Variants in CHRNB3 observed in about 807,000 individuals in gnomAD.
CHRNB3 encodes cholinergic receptor nicotinic beta 3 subunit.
In CHRNB3, 37 loss-of-function variants were observed where a neutral mutation model predicts 40.6. That is an observed-to-expected ratio of 0.91 (90% CI 0.70 to 1.20). The LOEUF (loss-of-function observed/expected upper bound fraction) is 1.20. Among genes scored for constraint, CHRNB3 ranks in the 50% most tolerant of loss-of-function variants. The pLI, the probability that CHRNB3 is intolerant of heterozygous loss-of-function variation, is 0.00. For missense variants in CHRNB3, 505 were observed against 551.2 expected (o/e 0.92, Z 0.84); for synonymous variants, 207 against 207.1 (o/e 1.00, Z 0.00).
In CHRNB3 at chr8:42,730,685, ACATAGTT is replaced by A. The variant is rs779588048; in HGVS notation, c.343_349del (p.Ile115SerfsTer13). ...CCATCAGAATCTCTGTGGCTTCCTG[ACATAGTT>A]CTCTTTGAAAAGTAAGTATCACATT... On this transcript the variant is annotated frameshift_variant, in exon 4 of 6. Transcript: ENST00000289957. LOFTEE classifies it high-confidence loss of function. 7 of 1,597,028 alleles carry A rather than the reference ACATAGTT, an allele frequency of 4.4e-6. No homozygotes were observed. In the East Asian group the frequency reaches 1.6e-4, roughly 36 times the overall value.
intron 4 of CHRNB3, 67 bp from the exon 5 acceptor site, chr8:42,731,600 C>A: frequency 6.9e-7 from 1 of 1,452,070 alleles, no homozygotes; most frequent in Non-Finnish European, 9.3e-7. Flanking sequence ...ATAGTCAATG[C>A]TGGGAAAAAG....
chr8:42,732,221 T>A lies in CHRNB3; in HGVS notation c.914T>A (p.Ile305Asn). Residue 305 changes from isoleucine to asparagine, a missense_variant, in exon 5 of 6, where the codon ATT (isoleucine) becomes AAT (asparagine). Physicochemically the swap from Ile to Asn is moderately radical, Grantham distance 149 (BLOSUM62 -3). Coordinates refer to ENST00000289957, the MANE Select transcript of CHRNB3 (RefSeq NM_000749.5). ...LIGEYLLFIM[I>N]FVTLSIIVTV... Reference sequence around the variant, plus strand: ...GGAGAGTACCTGCTGTTCATCATGATTTTTGTGACCCTGTCCATCATTGTT... The same window carrying A: ...GGAGAGTACCTGCTGTTCATCATGAATTTTGTGACCCTGTCCATCATTGTT... The A allele has an allele frequency of 6.2e-7, 1 of 1,610,480 alleles. No individual in the cohort carries two copies. Among genetic ancestry groups the A allele is most frequent in the Non-Finnish European group, 8.5e-7 (1 of 1,178,832 alleles).
At position 42,708,785 on chromosome 8, in the gene CHRNB3, C is replaced by A; in HGVS notation, c.121C>A (p.Gln41Lys). Residue 41 changes from glutamine to lysine, a missense_variant, in exon 2 of 6, where the codon CAG (glutamine) becomes AAG (lysine). Coordinates refer to ENST00000289957, the MANE Select transcript of CHRNB3 (RefSeq NM_000749.5). The stretch of plus-strand genomic sequence containing the variant: ...CCTCAGACATTTGTTCCAAGGTTAT[C>A]AGAAATGGGTCCGCCCTGTATTACA... ...ALLRHLFQGY[Q>K]KWVRPVLHSN... 6.2e-7 allele frequency: 1 copy of A among 1,614,072 alleles called. No homozygotes were observed. The highest frequency in any genetic ancestry group is 1.1e-5 in the South Asian group (1 of 91,070).
intron 5 of CHRNB3, among the ~76,000 whole-genome samples, chr8:42,736,107 C>T (rs1294523849): frequency 1.3e-5 from 2 of 152,060 alleles, no homozygotes; most frequent in Non-Finnish European, 2.9e-5. Flanking sequence ...TCAGGTGATC[C>T]CCCCACCCCC....
chr8:42,729,508 T>C (rs2128908359), intron 3 of CHRNB3, among the ~76,000 whole-genome samples: 1 of 152,250 alleles, frequency 6.6e-6, no homozygotes, highest in East Asian at 1.9e-4. Flanking sequence ...TTTTTGGGGA[T>C]CAAGTCTCAA....
chr8:42,703,448 A>ATATATATATATATATATATATG (rs1815861069), intron 1 of CHRNB3, among the ~76,000 whole-genome samples: 1 of 101,354 alleles, frequency 9.9e-6, no homozygotes, highest in Non-Finnish European at 2.4e-5. Flanking sequence ...ATTTATATAT[A>ATATATATATATATATATATATG]TATATATATA....
chr8:42,719,416 A>G (rs1424589377), intron 3 of CHRNB3, among the ~76,000 whole-genome samples: 1 of 152,190 alleles, frequency 6.6e-6, no homozygotes, highest in African/African-American at 2.4e-5. Flanking sequence ...AGGCCAAAGC[A>G]GGAGGATCAT....
chr8:42,697,499 C>G lies in CHRNB3; in HGVS notation c.-48C>G. ...AAAACCCCCTTTTCCAGTGGAAATGCTCTGTTGTTAAAAAGGAAGAAACTG... is the reference window on the plus strand; with the variant it reads ...AAAACCCCCTTTTCCAGTGGAAATGGTCTGTTGTTAAAAAGGAAGAAACTG... On this transcript the variant is annotated 5_prime_UTR_variant, in exon 1 of 6. Coordinates refer to ENST00000289957, the MANE Select transcript of CHRNB3 (RefSeq NM_000749.5). The G allele has an allele frequency of 6.5e-7, 1 of 1,531,974 alleles. No individual in the cohort carries two copies. The highest frequency in any genetic ancestry group is 9.0e-7 in the Non-Finnish European group (1 of 1,105,924). The allele number at this position is 1,531,974 out of a possible 1,614,324, so 94.9% of individuals were successfully genotyped here. A position where few individuals can be genotyped will look rare whatever the true frequency, so the allele number is the denominator to read the frequency against.
At chr8:42,716,514 G>A (rs998704814) in intron 3 of CHRNB3, among the ~76,000 whole-genome samples, 3 of 152,022 alleles carry the variant, frequency 2.0e-5, no homozygotes, top group Non-Finnish European at 2.9e-5. Context: ...ACAGACCATG[G>A]CTACCCACCA....
intron 3 of CHRNB3, among the ~76,000 whole-genome samples, chr8:42,718,520 A>C (rs1816159862): frequency 6.6e-6 from 1 of 151,800 alleles, no homozygotes; most frequent in Non-Finnish European, 1.5e-5. Context: ...AAAAATACAA[A>C]AAATTAGCCG....
intron 5 of CHRNB3, among the ~76,000 whole-genome samples, chr8:42,734,239 G>C (rs368672020): frequency 9.4e-6 from 1 of 106,152 alleles, no homozygotes; most frequent in Non-Finnish European, 1.7e-5. Flanking sequence ...CCAGCCTGGC[G>C]ACAGAGCGAG....
chr8:42,731,275 G>T (rs902945681), intron 4 of CHRNB3, among the ~76,000 whole-genome samples: 4 of 152,054 alleles, frequency 2.6e-5, no homozygotes, highest in Admixed American at 2.6e-4. Flanking sequence ...CTAAAATAGG[G>T]CAGGGTGTGG....
chr8:42,711,343 CT>C (rs2128905733), intron 3 of CHRNB3, among the ~76,000 whole-genome samples: 1 of 151,688 alleles, frequency 6.6e-6, no homozygotes, highest in South Asian at 2.1e-4. Context: ...GGTTTAATTG[CT>C]TGTGTTTTTA....
intron 3 of CHRNB3, among the ~76,000 whole-genome samples, chr8:42,727,414 C>T (rs1264698602): frequency 6.7e-6 from 1 of 149,314 alleles, no homozygotes; most frequent in East Asian, 2.0e-4. Flanking sequence ...AAGACAGATA[C>T]ACAGATCAGT....
At chr8:42,702,424 C>T (rs2128904286) in intron 1 of CHRNB3, among the ~76,000 whole-genome samples, 1 of 152,270 alleles carries the variant, frequency 6.6e-6, no homozygotes, top group South Asian at 2.1e-4. Context: ...GTGTGAACCA[C>T]CACACCCAGC....
chr8:42,729,570 T>G (rs765105119), intron 3 of CHRNB3, among the ~76,000 whole-genome samples: 5 of 152,118 alleles, frequency 3.3e-5, no homozygotes, highest in Admixed American at 6.6e-5. Context: ...AGTTCCATCA[T>G]TTGTCAGGCA....
At chr8:42,718,105 T>C (rs62518185) in intron 3 of CHRNB3, among the ~76,000 whole-genome samples, 8,689 of 152,048 alleles carry the variant, frequency 0.057, 333 homozygotes, top group Middle Eastern at 0.11. Flanking sequence ...GCTAGGATTA[T>C]AGGGGTGAGC....
chr8:42,716,915 T>C (rs1210208046), intron 3 of CHRNB3, among the ~76,000 whole-genome samples: 1 of 152,076 alleles, frequency 6.6e-6, no homozygotes. Context: ...CCTCTCCCCA[T>C]GACAATCCTG....
chr8:42,705,601 A>G (rs1056987127), intron 1 of CHRNB3: 3 of 152,308 alleles, frequency 2.0e-5, no homozygotes, highest in African/African-American at 7.2e-5. Flanking sequence ...TGGACTTCCC[A>G]GTCTCTAGAA....
Sources: allele counts gnomAD v4.1 joint callset (sites outside exome capture counted in the v4.1 genomes callset), GRCh38; gene constraint gnomAD v4.1.1; transcripts MANE v1.5; gene names NCBI Gene and HGNC (gene_info 2026-07-23, HGNC 2026-07-21).